Variants in GPR55 observed in about 807,000 individuals in gnomAD.
The protein encoded by GPR55 is G-protein coupled receptor 55.
In GPR55, 6 loss-of-function variants were observed where a neutral mutation model predicts 7.9. The observed-to-expected ratio is 0.76, with a 90% CI of 0.41 to 1.49. GPR55 has a LOEUF of 1.49. Ranked by LOEUF, GPR55 falls within the 40% of genes most tolerant of loss-of-function variation. The pLI is 0.01. For synonymous variants in GPR55, 183 were observed against 166.8 expected (o/e 1.10, Z -0.75); for missense variants, 376 against 406.0 (o/e 0.93, Z 0.63).
intron 1 of GPR55, among the ~76,000 whole-genome samples, chr2:230,952,599 T>A (rs1026732215): frequency 1.3e-5 from 2 of 152,190 alleles, no homozygotes; most frequent in African/African-American, 4.8e-5. Flanking sequence ...AGGAGTCCTA[T>A]AGAGAACCCC....
At chr2:230,913,436 G>A (rs978086693) in intron 1 of GPR55, among the ~76,000 whole-genome samples, 3 of 152,202 alleles carry the variant, frequency 2.0e-5, no homozygotes, top group African/African-American at 7.2e-5. Context: ...ATCATCCATT[G>A]AGCACTACGC....
chr2:230,935,728 G>A (rs1031490092), intron 1 of GPR55, among the ~76,000 whole-genome samples: 4 of 152,208 alleles, frequency 2.6e-5, no homozygotes, highest in Admixed American at 2.6e-4. Context: ...GGGGAATGGA[G>A]ATACAGGTTC....
rs1337968595 is a variant in GPR55, at chr2:230,919,935, C to T, written c.-135+5233G>A. Among the ~76,000 whole-genome samples the T allele has an allele frequency of 3.3e-5, 5 of 150,720 alleles. No individual in the cohort carries two copies. The East Asian group carries it at 9.7e-4, about 29-fold the overall frequency. On this transcript the variant is annotated intron_variant, in intron 1 of 1. Transcript: ENST00000650999. ...CCCACAAACTATAGAATTAGACATT[C>T]AGAATGATTTCAACTGTGATTAAAA...
chr2:230,913,897 T>A (rs1690652117), intron 1 of GPR55, among the ~76,000 whole-genome samples: 1 of 152,140 alleles, frequency 6.6e-6, no homozygotes, highest in Non-Finnish European at 1.5e-5. Context: ...ACCACAAAGA[T>A]AAGAATGAAT....
chr2:230,910,068 T>A lies in GPR55; in HGVS notation c.895A>T (p.Ile299Phe). Residue 299 changes from isoleucine to phenylalanine, a missense_variant, in exon 2 of 2, where the codon ATC becomes TTC. Transcript: ENST00000650999. The surrounding 1 kb of genome is among the most constrained non-coding windows in gnomAD (Gnocchi z 5.4). ...ACCCTGGAAGGCCGGTGGGCCCTGA[T>A]GTTCATGCGGAATTCTTTGATGACA... ...YFVIKEFRMNIRAHRPSRVQL... is the reference protein window; with the variant it reads ...YFVIKEFRMNFRAHRPSRVQL... 3.1e-6 allele frequency: 5 copies of A among 1,614,128 alleles called. No individual in the cohort carries two copies. The highest frequency in any genetic ancestry group is 1.1e-5 in the South Asian group (1 of 91,072).
intron 1 of GPR55, among the ~76,000 whole-genome samples, chr2:230,920,161 AT>A (rs1408744519): frequency 6.6e-6 from 1 of 151,712 alleles, no homozygotes; most frequent in Non-Finnish European, 1.5e-5. Flanking sequence ...GATTAAAAAA[AT>A]ATATATATAT....
chr2:230,922,114 C>G (rs973552116), intron 1 of GPR55, among the ~76,000 whole-genome samples: 2 of 152,210 alleles, frequency 1.3e-5, no homozygotes, highest in African/African-American at 2.4e-5. Context: ...AGAGGGAATT[C>G]ATGCACACAG....
rs1302556689 is a variant in GPR55, at chr2:230,910,953, G to C, written c.10C>G (p.Gln4Glu). Residue 4 changes from glutamine to glutamate, a missense_variant, in exon 2 of 2, where the codon CAA becomes GAA. Transcript: ENST00000650999. The surrounding 1 kb of genome is among the most constrained non-coding windows in gnomAD (Gnocchi z 5.4). ...AACAGGCAGTCCCCACTGGTGTTTT[G>C]CTGACTCATGTTTCTTCCTACAACA... MSQQNTSGDCLFDG... is the reference protein window; with the variant it reads MSQENTSGDCLFDG... The C allele has an allele frequency of 6.3e-7, 1 of 1,596,180 alleles. No individual in the cohort carries two copies. Among genetic ancestry groups the C allele is most frequent in the Non-Finnish European group, 8.6e-7 (1 of 1,167,456 alleles).
In GPR55 at chr2:230,938,146, C is replaced by CAA. The variant is rs59307128; in HGVS notation, c.-135+22627_-135+22628dup. 5.5e-4 allele frequency among the ~76,000 whole-genome samples: 11 copies of CAA among 19,886 alleles called. 2 individuals are homozygous for CAA. The East Asian group carries it at 9.3e-3, about 17-fold the overall frequency. The allele number at this position is 19,886 out of a possible 152,430, so 13.0% of individuals were successfully genotyped here. A position where few individuals can be genotyped will look rare whatever the true frequency, so the allele number is the denominator to read the frequency against. On this transcript the variant is annotated intron_variant, in intron 1 of 1. Transcript: ENST00000392039. The stretch of plus-strand genomic sequence containing the variant: ...TGGGAGACAGAACAAGACCCTGTCT[C>CAA]AAAAAAAAAAAAAAAAAAAAAAAAA...
chr2:230,943,019 AGAGAAGAGGAGAGAAGAGAC>A (rs1416840941), intron 1 of GPR55, among the ~76,000 whole-genome samples: 1 of 149,100 alleles, frequency 6.7e-6, no homozygotes, highest in South Asian at 2.1e-4. Flanking sequence ...AGAGAAGAGA[AGAGAAGAGGAGAGAAGAGAC>A]GAGAAGAGGA....
rs746177717 is a variant in GPR55 at position 230,910,305 on chromosome 2, G to A, written c.658C>T (p.Gln220Ter). The change falls in exon 2 of 2, where the codon CAG becomes TAG. Residue 220 changes from glutamine to a stop codon, truncating the protein, a stop_gained. Coordinates refer to ENST00000650999, the MANE Select transcript of GPR55 (RefSeq NM_005683.4). LOFTEE classifies it high-confidence loss of function. The surrounding 1 kb of genome is among the most constrained non-coding windows in gnomAD (Gnocchi z 5.4). ...ATGCTGTAGATGCAGGCTTTCTGCT[G>A]CACCCAGTCCTGGGTGTGGTCTCGG... is the stretch of plus-strand genomic sequence containing the variant. The part of the protein sequence containing the change: ...GRRDHTQDWV[Q>*]QKACIYSIAA... 2 of 1,613,670 alleles carry A rather than the reference G, an allele frequency of 1.2e-6. No homozygotes were observed. The highest frequency in any genetic ancestry group is 1.7e-6 in the Non-Finnish European group (2 of 1,179,680).
chr2:230,927,972 GGAACAGGGGCAGGGGCAAGAGCT>G (rs1690971219), upstream of GPR55, among the ~76,000 whole-genome samples: 1 of 152,208 alleles, frequency 6.6e-6, no homozygotes, highest in Non-Finnish European at 1.5e-5. Flanking sequence ...AGCTGGTCAG[GGAACAGGGGCAGGGGCAAGAGCT>G]GAACCCTAAG....
At chr2:230,940,976 A>G (rs556053065) in intron 1 of GPR55, among the ~76,000 whole-genome samples, 3,692 of 152,212 alleles carry the variant, frequency 0.024, 137 homozygotes, top group African/African-American at 0.085. Context: ...AATTAGCCGG[A>G]CGTGGCGGTG....
At chr2:230,915,969 G>A (rs1574620123) in intron 1 of GPR55, among the ~76,000 whole-genome samples, 2 of 152,036 alleles carry the variant, frequency 1.3e-5, no homozygotes, top group South Asian at 4.2e-4. Flanking sequence ...AAAACATCAA[G>A]GTAGAAAAGC....
rs561233786 is a variant in GPR55 at position 230,953,508 on chromosome 2, C to T, written c.-135+7267G>A. On this transcript the variant is annotated intron_variant, in intron 1 of 1. Coordinates refer to the GPR55 transcript ENST00000392039. ...AGCTGGAAAGACAGAGAAACAGGTT[C>T]TCCTCTAGAGCCTCCAGGAGGACAC... Among the ~76,000 whole-genome samples the T allele has an allele frequency of 3.9e-5, 6 of 152,310 alleles. No homozygotes were observed. The East Asian group carries it at 9.7e-4, about 25-fold the overall frequency.
chr2:230,939,974 G>A (rs1055029466), intron 1 of GPR55, among the ~76,000 whole-genome samples: 2 of 152,042 alleles, frequency 1.3e-5, no homozygotes, highest in Admixed American at 6.5e-5. Flanking sequence ...CCCACCCCAG[G>A]CATCTCCTTG....
At chr2:230,930,604 C>T (rs1337401849) in intron 1 of GPR55, among the ~76,000 whole-genome samples, 1 of 152,106 alleles carries the variant, frequency 6.6e-6, no homozygotes, top group African/African-American at 2.4e-5. Context: ...ACACGTGCCA[C>T]CACGCCTGGC....
At position 230,923,734 on chromosome 2, in the gene GPR55, C is replaced by T. The variant is rs1690890860; in HGVS notation, c.-135+1434G>A. ...GATTGCCCTAATTATGCCCATTTTACAGATAAGGACAGTAAGGCTTAGAGA... is the reference window on the plus strand; with the variant it reads ...GATTGCCCTAATTATGCCCATTTTATAGATAAGGACAGTAAGGCTTAGAGA... On this transcript the variant is annotated intron_variant, in intron 1 of 1. Coordinates refer to ENST00000650999, the MANE Select transcript of GPR55 (RefSeq NM_005683.4). The surrounding 1 kb of genome is among the most constrained non-coding windows in gnomAD (Gnocchi z 4.1). Among the ~76,000 whole-genome samples, 3 of 152,114 alleles carry T rather than the reference C, an allele frequency of 2.0e-5. No individual in the cohort carries two copies. Among genetic ancestry groups the T allele is most frequent in the South Asian group, 2.1e-4 (1 of 4,826 alleles).
rs927826990 is a variant in GPR55 at position 230,944,995 on chromosome 2, C to G, written c.-135+15780G>C. 6.6e-6 allele frequency among the ~76,000 whole-genome samples: 1 copy of G among 152,216 alleles called. No homozygotes were observed. Among genetic ancestry groups the G allele is most frequent in the East Asian group, 1.9e-4 (1 of 5,196 alleles). On this transcript the variant is annotated intron_variant, in intron 1 of 1. Transcript: ENST00000392039. The surrounding 1 kb of genome is among the most constrained non-coding windows in gnomAD (Gnocchi z 4.2). ...AGGTAAGGTTCCCGCACATCGCCCT[C>G]CATGAAGCAGGAGCAGGAGCCTCAC...
Sources: gnomAD v4.1 joint callset for allele counts (sites outside exome capture counted in the v4.1 genomes callset) on GRCh38, gnomAD v4.1.1 for gene constraint, Gnocchi (gnomAD v3.1) non-coding constraint, MANE v1.5 for transcripts, NCBI Gene and HGNC (gene_info 2026-07-23, HGNC 2026-07-21) for gene names.